The following DOK5 variants were observed in gnomAD, a reference collection of about 807,000 sequenced individuals.
DOK5 encodes the protein downstream of tyrosine kinase 5.
A neutral mutation model predicts 43.3 loss-of-function variants in DOK5; 27 were observed. The ratio of observed to expected loss-of-function variants is 0.62; its 90% CI spans 0.46 to 0.86. The LOEUF is 0.86. DOK5 is among the 40% of genes least tolerant of loss of function. The pLI, the probability that DOK5 is intolerant of heterozygous loss-of-function variation, is 0.00. For synonymous variants in DOK5, 146 were observed against 140.1 expected (o/e 1.04, Z -0.30); for missense variants, 373 against 392.9 (o/e 0.95, Z 0.43).
intron 6 of DOK5, among the ~76,000 whole-genome samples, chr20:54,613,705 G>A (rs562865579): frequency 2.6e-5 from 4 of 152,128 alleles, no homozygotes; most frequent in African/African-American, 7.2e-5. Flanking sequence ...TTAAAACTAT[G>A]CATCAAGGTT....
intron 5 of DOK5, among the ~76,000 whole-genome samples, chr20:54,594,324 C>T (rs146943551): frequency 1.5e-3 from 235 of 152,146 alleles, no homozygotes; most frequent in African/African-American, 5.4e-3. Context: ...CCTGGGAGGT[C>T]GAGGCTACAG....
At chr20:54,638,614 A>C (rs989675771) in intron 6 of DOK5, among the ~76,000 whole-genome samples, 1 of 152,206 alleles carries the variant, frequency 6.6e-6, no homozygotes. Flanking sequence ...CATAGGAAAC[A>C]AAATGGGTTA....
At chr20:54,616,611 T>C (rs1036346555) in intron 6 of DOK5, among the ~76,000 whole-genome samples, 2 of 152,128 alleles carry the variant, frequency 1.3e-5, no homozygotes, top group African/African-American at 2.4e-5. Flanking sequence ...CTATGCACCA[T>C]TAAAACAACA....
At chr20:54,527,628 C>T (rs1294948301) in intron 1 of DOK5, among the ~76,000 whole-genome samples, 2 of 152,006 alleles carry the variant, frequency 1.3e-5, no homozygotes, top group Non-Finnish European at 2.9e-5. Flanking sequence ...AACTTACTTC[C>T]CTGGGAAGGT....
intron 1 of DOK5, among the ~76,000 whole-genome samples, chr20:54,537,860 A>G (rs1984011854): frequency 8.2e-6 from 1 of 121,418 alleles, no homozygotes; most frequent in African/African-American, 3.3e-5. Flanking sequence ...TTTTTTTGAG[A>G]CAGAGTCTCA....
chr20:54,476,708 C>T (rs1981442452), intron 1 of DOK5, among the ~76,000 whole-genome samples: 2 of 152,108 alleles, frequency 1.3e-5, no homozygotes, highest in South Asian at 4.2e-4. Context: ...CAAGTGCTCC[C>T]TACATATGTC....
chr20:54,511,572 G>T (rs1420355145), intron 1 of DOK5, among the ~76,000 whole-genome samples: 1 of 152,060 alleles, frequency 6.6e-6, no homozygotes, highest in Non-Finnish European at 1.5e-5. Context: ...CTAACACTAG[G>T]TAAACATTCA....
chr20:54,645,398 C>G (rs1188134695), intron 7 of DOK5, among the ~76,000 whole-genome samples: 3 of 139,848 alleles, frequency 2.1e-5, no homozygotes, highest in Admixed American at 7.1e-5. Context: ...TCTGAACCCT[C>G]AGTCCTCCAT....
At chr20:54,565,398 C>A (rs181996843) in intron 2 of DOK5, among the ~76,000 whole-genome samples, 4 of 152,258 alleles carry the variant, frequency 2.6e-5, no homozygotes, top group Non-Finnish European at 4.4e-5. Context: ...CTGTGGGTAA[C>A]CTGAAGCCTC....
At chr20:54,622,863 G>T (rs1184769951) in intron 6 of DOK5, among the ~76,000 whole-genome samples, 1 of 152,134 alleles carries the variant, frequency 6.6e-6, no homozygotes, top group Non-Finnish European at 1.5e-5. Context: ...AGAGAAGAAA[G>T]AAATCAATTC....
chr20:54,532,478 A>T (rs1321062458), intron 1 of DOK5, among the ~76,000 whole-genome samples: 1 of 152,166 alleles, frequency 6.6e-6, no homozygotes, highest in Non-Finnish European at 1.5e-5. Context: ...TTCCACATAG[A>T]TGCATTGCGC....
At chr20:54,647,705 C>T (rs1600767986) in intron 7 of DOK5, among the ~76,000 whole-genome samples, 1 of 147,922 alleles carries the variant, frequency 6.8e-6, no homozygotes, top group Admixed American at 6.7e-5. Flanking sequence ...AGAAAGGTTA[C>T]TGTGGTCAAA....
chr20:54,555,474 T>G (rs6014051), intron 2 of DOK5: 6,238 of 155,472 alleles, frequency 0.04, 437 homozygotes, highest in African/African-American at 0.14. Flanking sequence ...CGATTTATTG[T>G]TTTCTTTAAG....
Position 54,637,927 on chromosome 20 carries a change from C to T in DOK5, c.736-5531C>T, listed in dbSNP as rs184210965. 1.2e-3 allele frequency among the ~76,000 whole-genome samples: 178 copies of T among 152,246 alleles called. 1 individual carries two copies. Among genetic ancestry groups the T allele is most frequent in the Admixed American group, 4.1e-3 (62 of 15,300 alleles). On this transcript the variant is annotated intron_variant, in intron 6 of 7. Coordinates refer to ENST00000262593, the MANE Select transcript of DOK5 (RefSeq NM_018431.5). The stretch of plus-strand genomic sequence containing the variant: ...CACAAGGTCAGGAGATCAAGACCAT[C>T]GTGGCTAACACGGTGAAACCCCGTC...
intron 2 of DOK5, among the ~76,000 whole-genome samples, chr20:54,577,745 C>T (rs1217608729): frequency 6.6e-6 from 1 of 152,178 alleles, no homozygotes; most frequent in Non-Finnish European, 1.5e-5. Context: ...GAATGCATCT[C>T]AACTCAGCTG....
At chr20:54,523,214 C>G (rs1004829393) in intron 1 of DOK5, among the ~76,000 whole-genome samples, 7 of 152,138 alleles carry the variant, frequency 4.6e-5, no homozygotes, top group African/African-American at 1.7e-4. Flanking sequence ...AACTTGGCCT[C>G]TTTGAGGGCA....
rs141552195 is a variant in DOK5, at chr20:54,565,483, G to A, written c.174+10443G>A. Among the ~76,000 whole-genome samples, 100 of 152,272 alleles carry A rather than the reference G, an allele frequency of 6.6e-4. 1 individual carries two copies. Among genetic ancestry groups the A allele is most frequent in the African/African-American group, 2.3e-3 (97 of 41,560 alleles). ...CCTTTCTCACTGTTGAAATTATGTT[G>A]GCCAGGTGCAGTGGCTCACGCCTGT... On this transcript the variant is annotated intron_variant, in intron 2 of 7. Coordinates refer to ENST00000262593, the MANE Select transcript of DOK5 (RefSeq NM_018431.5).
At chr20:54,533,518 T>C (rs183935819) in intron 1 of DOK5, among the ~76,000 whole-genome samples, 1 of 152,322 alleles carries the variant, frequency 6.6e-6, no homozygotes, top group Admixed American at 6.5e-5. Context: ...AACATCCAAT[T>C]AACAAAAGAA....
rs182354178 is a variant in DOK5, at chr20:54,620,331, C to T, written c.735+9808C>T. Among the ~76,000 whole-genome samples the T allele has an allele frequency of 2.7e-3, 414 of 152,284 alleles. 2 individuals carry two copies. The highest frequency in any genetic ancestry group is 9.3e-3 in the African/African-American group (385 of 41,564). On this transcript the variant is annotated intron_variant, in intron 6 of 7. Coordinates refer to ENST00000262593, the MANE Select transcript of DOK5 (RefSeq NM_018431.5). ...TCGGCTCACTGCAACCCCCGCCTCC[C>T]GGGTTCAAGTGATTCTCCTGTCTCA... is the stretch of plus-strand genomic sequence containing the variant.
Sources: gnomAD v4.1 joint callset for allele counts (sites outside exome capture counted in the v4.1 genomes callset) on GRCh38, gnomAD v4.1.1 for gene constraint, MANE v1.5 for transcripts, NCBI Gene and HGNC (gene_info 2026-07-23, HGNC 2026-07-21) for gene names.